The following RCC1 variants were observed in gnomAD, a reference collection of about 807,000 sequenced individuals.
The protein encoded by RCC1 is regulator of chromosome condensation 1.
A neutral mutation model predicts 44.4 loss-of-function variants in RCC1; 11 were observed. That is an observed-to-expected ratio of 0.25 (90% CI 0.16 to 0.41). The LOEUF (loss-of-function observed/expected upper bound fraction) is 0.41, where lower values mean the gene tolerates loss of function less well. RCC1 is among the 10% of genes least tolerant of loss of function. The probability of loss-of-function intolerance (pLI) is 1.00; values close to 1 mark genes in which losing one functional copy is unlikely to be tolerated. For synonymous variants in RCC1, 213 were observed against 216.5 expected (o/e 0.98, Z 0.14); for missense variants, 386 against 547.1 (o/e 0.71, Z 2.94).
intron 4 of RCC1, among the ~76,000 whole-genome samples, chr1:28,524,655 C>T (rs1036911736): frequency 2.0e-5 from 3 of 152,048 alleles, no homozygotes; most frequent in African/African-American, 4.8e-5. Context: ...CCCAGGAGTT[C>T]GGGACCAGCC....
At chr1:28,532,428 C>T in intron 7 of RCC1, 78 bp downstream of exon 7, 1 of 1,473,652 alleles carries the variant, frequency 6.8e-7, no homozygotes, top group Non-Finnish European at 9.3e-7. Flanking sequence ...AATCCACTTC[C>T]ATGCCCCCAT....
At position 28,537,806 on chromosome 1, in the gene RCC1, G is replaced by C. The variant is rs372176689; in HGVS notation, c.1091-26G>C. 50 of 1,600,304 alleles carry C rather than the reference G, an allele frequency of 3.1e-5. No homozygotes were observed. The African/African-American group carries it at 5.8e-4, about 18-fold the overall frequency. Reference sequence around the variant, plus strand: ...AGGTGGGCTGGGGATCCTGGAGACAGCTGTACCCATTTCTCTCTCTTGCAG... The same window carrying C: ...AGGTGGGCTGGGGATCCTGGAGACACCTGTACCCATTTCTCTCTCTTGCAG... On this transcript the variant is annotated intron_variant, in intron 12 of 12. Transcript: ENST00000683442.
Position 28,535,783 on chromosome 1 carries a change from T to C in RCC1, c.662-88T>C, listed in dbSNP as rs796652739. 3.4e-6 allele frequency: 5 copies of C among 1,454,096 alleles called. No individual in the cohort carries two copies. The African/African-American group carries it at 7.0e-5, about 20-fold the overall frequency. 90.1% of individuals were successfully genotyped at this position (1,454,096 alleles called of 1,614,324 possible). A position where few individuals can be genotyped will look rare whatever the true frequency, so the allele number is the denominator to read the frequency against. ...AGTCCCTACTTAGCCTCTCAAGGGC[T>C]TTTATAATGGAGGAGAATTAAACTC... is the stretch of plus-strand genomic sequence containing the variant. On this transcript the variant is annotated intron_variant, in intron 9 of 12. Coordinates refer to ENST00000683442, the MANE Select transcript of RCC1 (RefSeq NM_001381865.2).
chr1:28,526,381 C>G, intron 4 of RCC1: 1 of 426,732 alleles, frequency 2.3e-6, no homozygotes, highest in Non-Finnish European at 4.5e-6. Context: ...CCAGGACCTT[C>G]TAACAGCACA....
At chr1:28,529,174 C>T (rs1389207964) in intron 4 of RCC1, among the ~76,000 whole-genome samples, 3 of 144,354 alleles carry the variant, frequency 2.1e-5, no homozygotes, top group African/African-American at 2.6e-5. Flanking sequence ...TGAGCCACCG[C>T]GCCCAGGCTT....
At chr1:28,523,281 A>T (rs967423997) in intron 4 of RCC1, among the ~76,000 whole-genome samples, 2 of 151,924 alleles carry the variant, frequency 1.3e-5, no homozygotes, top group African/African-American at 2.4e-5. Context: ...GGCCTCCCAA[A>T]GTGCTGGGAT....
chr1:28,533,480 AAAAG>A (rs1327339978), intron 7 of RCC1, among the ~76,000 whole-genome samples: 4 of 149,922 alleles, frequency 2.7e-5, no homozygotes, highest in Non-Finnish European at 3.0e-5. Context: ...CAAAAAAAAA[AAAAG>A]AAGTCCGGGC....
chr1:28,507,428 A>T (rs780342593), intron 1 of RCC1: 1 of 518,970 alleles, frequency 1.9e-6, no homozygotes, highest in Admixed American at 1.9e-5. Flanking sequence ...GTAGGGGAGC[A>T]TAGGGCTCTG....
At chr1:28,532,551 A>C in intron 7 of RCC1, 1 of 584,692 alleles carries the variant, frequency 1.7e-6, no homozygotes, top group Non-Finnish European at 3.0e-6. Flanking sequence ...CTTGAATCCG[A>C]TGTCATCAAG....
At chr1:28,514,739 C>T (rs1301192617) in intron 3 of RCC1, among the ~76,000 whole-genome samples, 2 of 149,616 alleles carry the variant, frequency 1.3e-5, no homozygotes, top group Non-Finnish European at 3.0e-5. Context: ...CCAGCCTGGG[C>T]AACAAGAGCA....
chr1:28,536,353 G>A lies in RCC1; in HGVS notation c.909G>A (p.Gln303=), dbSNP rs1447066842. The change falls in exon 11 of 13, where the codon CAG becomes CAA. Residue 303 remains glutamine, a synonymous_variant. Coordinates refer to ENST00000683442, the MANE Select transcript of RCC1 (RefSeq NM_001381865.2). The surrounding 1 kb of genome is among the most constrained non-coding windows in gnomAD (Gnocchi z 4.9). ...TKSWVGFSGG[Q]HHTVCMDSEG... ...CCTGGGTGGGCTTCTCTGGTGGCCA[G>A]CACCATACAGTCTGCATGGATTCGG... 6.2e-7 allele frequency: 1 copy of A among 1,614,086 alleles called. No individual in the cohort carries two copies. The highest frequency in any genetic ancestry group is 8.5e-7 in the Non-Finnish European group (1 of 1,179,988).
chr1:28,514,576 A>T (rs1266639081), intron 3 of RCC1, among the ~76,000 whole-genome samples: 1 of 151,874 alleles, frequency 6.6e-6, no homozygotes, highest in African/African-American at 2.4e-5. Flanking sequence ...AGCCTGACCA[A>T]CATGGAGAAA....
At chr1:28,514,924 A>G (rs958348841) in intron 3 of RCC1, among the ~76,000 whole-genome samples, 4 of 152,128 alleles carry the variant, frequency 2.6e-5, no homozygotes, top group Non-Finnish European at 5.9e-5. Context: ...AGTCTTTGAT[A>G]TTGTCATGTG....
chr1:28,513,074 CT>C (rs930880442), intron 3 of RCC1, among the ~76,000 whole-genome samples: 144 of 143,308 alleles, frequency 1.0e-3, no homozygotes, highest in Admixed American at 1.4e-3. Context: ...CGCCCAGCCT[CT>C]TTTTTTTTTT....
At chr1:28,529,134 G>A (rs182163620) in intron 4 of RCC1, among the ~76,000 whole-genome samples, 6 of 138,170 alleles carry the variant, frequency 4.3e-5, no homozygotes, top group Admixed American at 2.3e-4. Flanking sequence ...CTTGGCCTCC[G>A]AAAGTGCCAA....
intron 3 of RCC1, among the ~76,000 whole-genome samples, chr1:28,514,899 C>A (rs1206321082): frequency 6.6e-6 from 1 of 151,970 alleles, no homozygotes; most frequent in Non-Finnish European, 1.5e-5. Context: ...ATATTTCTTC[C>A]ATTTCTCACT....
chr1:28,517,390 C>T (rs1194683163), intron 4 of RCC1, among the ~76,000 whole-genome samples: 1 of 152,150 alleles, frequency 6.6e-6, no homozygotes, highest in Non-Finnish European at 1.5e-5. Context: ...TCTGGTCTCT[C>T]TCATTCCTCT....
chr1:28,516,457 G>A (rs1185361028), intron 3 of RCC1, among the ~76,000 whole-genome samples: 6 of 148,384 alleles, frequency 4.0e-5, no homozygotes, highest in East Asian at 2.0e-4. Context: ...AGCCGAGATC[G>A]CACCACTGCA....
intron 3 of RCC1, 36 bp from the exon 4 acceptor site, chr1:28,516,689 A>G (rs941213631): frequency 9.5e-6 from 3 of 314,924 alleles, no homozygotes; most frequent in Non-Finnish European, 1.9e-5. Flanking sequence ...AAAATAGGCA[A>G]TAATAATAAT....
Sources: gnomAD v4.1 joint callset for allele counts (sites outside exome capture counted in the v4.1 genomes callset) on GRCh38, gnomAD v4.1.1 for gene constraint, Gnocchi (gnomAD v3.1) non-coding constraint, MANE v1.5 for transcripts, NCBI Gene and HGNC (gene_info 2026-07-23, HGNC 2026-07-21) for gene names.